ZMYM2: variants seen among roughly 807,000 people sequenced by gnomAD.
ZMYM2 encodes the protein zinc finger MYM-type containing 2.
ZMYM2 carries 56 observed loss-of-function variants against 162.8 expected under a neutral mutation model. The ratio of observed to expected loss-of-function variants is 0.34; its 90% CI spans 0.28 to 0.43. The LOEUF is 0.43. Among genes scored for constraint, ZMYM2 ranks in the 20% least tolerant of loss-of-function variants. ZMYM2 has a pLI of 1.00. For missense variants in ZMYM2, 1,275 were observed against 1,621.8 expected (o/e 0.79, Z 3.67); for synonymous variants, 510 against 541.6 (o/e 0.94, Z 0.81).
chr13:20,034,950 A>G (rs1162251509), intron 11 of ZMYM2, among the ~76,000 whole-genome samples: 1 of 152,208 alleles, frequency 6.6e-6, no homozygotes, highest in Non-Finnish European at 1.5e-5. Context: ...GATTATACAG[A>G]TGAATTCAAA....
At chr13:19,872,480 G>A in the ZMYM2 span, among the ~76,000 whole-genome samples, 1 of 151,988 alleles carries the variant, frequency 6.6e-6, no homozygotes, top group Non-Finnish European at 1.5e-5. Context: ...AACCCAGGAG[G>A]TGGAGGTTGC....
At chr13:19,985,542 A>T (rs375809951) in intron 2 of ZMYM2, among the ~76,000 whole-genome samples, 4 of 128,874 alleles carry the variant, frequency 3.1e-5, no homozygotes, top group Non-Finnish European at 5.3e-5. Flanking sequence ...TGTTTTTTTT[A>T]AAAACAATAA....
chr13:19,878,612 C>T, the ZMYM2 span, among the ~76,000 whole-genome samples: 1 of 150,266 alleles, frequency 6.7e-6, no homozygotes, highest in African/African-American at 2.5e-5. Context: ...ACCTCTGCCT[C>T]CCGGGTTCAA....
chr13:20,000,124 A>T (rs1950285461), intron 3 of ZMYM2, among the ~76,000 whole-genome samples: 1 of 152,290 alleles, frequency 6.6e-6, no homozygotes, highest in Admixed American at 6.5e-5. Flanking sequence ...GCTGATGTGG[A>T]GAAAGTTTAA....
intron 6 of ZMYM2, among the ~76,000 whole-genome samples, chr13:20,008,179 G>A (rs1341317195): frequency 6.6e-6 from 1 of 152,120 alleles, no homozygotes; most frequent in Non-Finnish European, 1.5e-5. Flanking sequence ...GCCCAAGCTG[G>A]AGTGCAGTGG....
At chr13:20,079,333 AAAAAAAAAAAG>A (rs1276418538) in intron 21 of ZMYM2, among the ~76,000 whole-genome samples, 10 of 143,304 alleles carry the variant, frequency 7.0e-5, no homozygotes, top group Non-Finnish European at 1.5e-4. Flanking sequence ...AAAAAAAAAA[AAAAAAAAAAAG>A]GATACTTAAT....
chr13:20,011,750 T>G (rs1004765029), intron 6 of ZMYM2, among the ~76,000 whole-genome samples: 3 of 149,914 alleles, frequency 2.0e-5, no homozygotes, highest in Admixed American at 6.7e-5. Context: ...TAATTTTTGT[T>G]TTTTTTTTTT....
the ZMYM2 span, among the ~76,000 whole-genome samples, chr13:19,879,682 C>T: frequency 6.6e-6 from 1 of 152,116 alleles, no homozygotes; most frequent in Non-Finnish European, 1.5e-5. Context: ...CTACAAAAGA[C>T]GTAATTGGGA....
At chr13:19,966,879 CTTA>C (rs1425615775) in intron 2 of ZMYM2, among the ~76,000 whole-genome samples, 2 of 152,050 alleles carry the variant, frequency 1.3e-5, no homozygotes, top group Admixed American at 6.5e-5. Flanking sequence ...TTTTGTCTGT[CTTA>C]TTATTGTATA....
At chr13:19,875,279 A>G in the ZMYM2 span, among the ~76,000 whole-genome samples, 1 of 152,046 alleles carries the variant, frequency 6.6e-6, no homozygotes, top group African/African-American at 2.4e-5. Flanking sequence ...TCAGCACATT[A>G]CTGAAAAAAA....
the ZMYM2 span, among the ~76,000 whole-genome samples, chr13:19,951,324 T>C: frequency 6.6e-6 from 1 of 151,948 alleles, no homozygotes; most frequent in Non-Finnish European, 1.5e-5. Flanking sequence ...ACAAACCATA[T>C]GTCTGATAAG....
chr13:19,864,249 C>T, the ZMYM2 span: 2 of 154,878 alleles, frequency 1.3e-5, no homozygotes, highest in African/African-American at 4.8e-5. Context: ...AGTGGAGGCC[C>T]TTCCACCCTC....
chr13:19,973,488 T>C (rs1002926274), intron 2 of ZMYM2, among the ~76,000 whole-genome samples: 1 of 151,490 alleles, frequency 6.6e-6, no homozygotes, highest in African/African-American at 2.4e-5. Flanking sequence ...CTGGCCAACA[T>C]GGTGAAACCC....
At chr13:19,890,836 C>A in the ZMYM2 span, among the ~76,000 whole-genome samples, 1 of 150,602 alleles carries the variant, frequency 6.6e-6, no homozygotes, top group Admixed American at 6.6e-5. Context: ...TGTGCCATTG[C>A]ACTCCAGCCT....
the ZMYM2 span, among the ~76,000 whole-genome samples, chr13:19,932,977 C>T: frequency 6.6e-6 from 1 of 152,142 alleles, no homozygotes; most frequent in Non-Finnish European, 1.5e-5. Context: ...AGAGACAGGT[C>T]TCATTCTGTC....
At chr13:20,023,586 T>C (rs1172966703) in intron 7 of ZMYM2, among the ~76,000 whole-genome samples, 1 of 152,206 alleles carries the variant, frequency 6.6e-6, no homozygotes, top group African/African-American at 2.4e-5. Context: ...CTTATCCATA[T>C]CTTGTTTCAC....
chr13:19,899,499 A>T, the ZMYM2 span, among the ~76,000 whole-genome samples: 1 of 151,984 alleles, frequency 6.6e-6, no homozygotes, highest in Non-Finnish European at 1.5e-5. Context: ...TAGGATAGAG[A>T]TAAACAAAAT....
At chr13:19,940,810 G>A in the ZMYM2 span, among the ~76,000 whole-genome samples, 3 of 152,214 alleles carry the variant, frequency 2.0e-5, no homozygotes, top group Non-Finnish European at 4.4e-5. Context: ...AGGACAGGAG[G>A]TACATAAGAA....
At chr13:19,902,691 A>T in the ZMYM2 span, among the ~76,000 whole-genome samples, 1 of 151,922 alleles carries the variant, frequency 6.6e-6, no homozygotes, top group African/African-American at 2.4e-5. Context: ...TTAAAATATG[A>T]AGTTTTATAT....
Sources: gnomAD v4.1 joint callset for allele counts (sites outside exome capture counted in the v4.1 genomes callset) on GRCh38, gnomAD v4.1.1 for gene constraint, MANE v1.5 for transcripts, NCBI Gene and HGNC (gene_info 2026-07-23, HGNC 2026-07-21) for gene names.